The following HSD11B1 variants were observed in gnomAD, a reference collection of about 807,000 sequenced individuals.
The protein encoded by HSD11B1 is hydroxysteroid 11-beta dehydrogenase 1, also known as 11-beta-hydroxysteroid dehydrogenase 1.
In HSD11B1, 15 loss-of-function variants were observed where a neutral mutation model predicts 22.1. That is an observed-to-expected ratio of 0.68 (90% CI 0.45 to 1.04). The LOEUF is 1.04. HSD11B1 is among the 50% of genes least tolerant of loss of function. The pLI, the probability that HSD11B1 is intolerant of heterozygous loss-of-function variation, is 0.00. For missense variants in HSD11B1, 281 were observed against 357.6 expected (o/e 0.79, Z 1.73); for synonymous variants, 122 against 125.2 (o/e 0.97, Z 0.17).
At chr1:209,732,619 T>C (rs1293414052) in intron 5 of HSD11B1, 40 bp downstream of exon 5, 1 of 1,549,050 alleles carries the variant, frequency 6.5e-7, no homozygotes, top group African/African-American at 1.4e-5. Context: ...ATTATTATAC[T>C]TTAAGTTCTA....
At chr1:209,704,313 G>T (rs28365144), upstream of HSD11B1, among the ~76,000 whole-genome samples, 2,207 of 152,232 alleles carry the variant, frequency 0.014, 65 homozygotes, top group African/African-American at 0.05. Context: ...CTTTGATGTT[G>T]TAATACTTTT....
At chr1:209,702,164 T>A (rs539301475), upstream of HSD11B1, among the ~76,000 whole-genome samples, 1 of 152,246 alleles carries the variant, frequency 6.6e-6, no homozygotes, top group Non-Finnish European at 1.5e-5. Context: ...CATTTTGTCT[T>A]TATTATTTTT....
intron 4 of HSD11B1, among the ~76,000 whole-genome samples, chr1:209,713,557 T>TAC (rs1374248520): frequency 6.6e-6 from 1 of 152,200 alleles, no homozygotes. Flanking sequence ...TATAATCATA[T>TAC]ACACACACCC....
Position 209,706,590 on chromosome 1 carries a change from C to G in HSD11B1, c.220-119C>G. 2 of 777,568 alleles carry G rather than the reference C, an allele frequency of 2.6e-6. No homozygotes were observed. Among genetic ancestry groups the G allele is most frequent in the Non-Finnish European group, 4.7e-6 (2 of 424,654 alleles). 48.2% of individuals were successfully genotyped at this position (777,568 alleles called of 1,614,324 possible). A position where few individuals can be genotyped will look rare whatever the true frequency, so the allele number is the denominator to read the frequency against. The stretch of plus-strand genomic sequence containing the variant: ...GGCAACACACACACAAACATACTTA[C>G]CATTTCTTACCTAAACAGGGCTGTG... On this transcript the variant is annotated intron_variant, in intron 2 of 5. Transcript: ENST00000367027. The surrounding 1 kb of genome is among the most constrained non-coding windows in gnomAD (Gnocchi z 4.0).
At chr1:209,692,234 C>T (rs140946541) in intron 1 of HSD11B1, among the ~76,000 whole-genome samples, 3 of 152,016 alleles carry the variant, frequency 2.0e-5, no homozygotes, top group South Asian at 2.1e-4. Context: ...AAGTTCGGAC[C>T]GGTATGTCTA....
intron 4 of HSD11B1, among the ~76,000 whole-genome samples, chr1:209,731,501 CA>C (rs1349650422): frequency 6.6e-6 from 1 of 152,110 alleles, no homozygotes; most frequent in Non-Finnish European, 1.5e-5. Context: ...AATTAGCAGA[CA>C]ATGGATTTTA....
chr1:209,713,272 T>C (rs1443289132), intron 4 of HSD11B1, among the ~76,000 whole-genome samples: 4 of 152,234 alleles, frequency 2.6e-5, no homozygotes, highest in African/African-American at 7.2e-5. Flanking sequence ...GCTGTATCTA[T>C]ATCTCTGGAA....
rs1203567582 is a variant in HSD11B1, at chr1:209,706,686, C to T, written c.220-23C>T. On this transcript the variant is annotated intron_variant, in intron 2 of 5. Coordinates refer to ENST00000367027, the MANE Select transcript of HSD11B1 (RefSeq NM_005525.4). This position sits in a 1 kb window ranked among gnomAD's most constrained non-coding sequence, Gnocchi z 4.0. ...CAAAAATCTGCAGCTAAGACTGATG[C>T]CATTTCTGCTGTATCACTGCAGGTG... 5 of 1,548,644 alleles carry T rather than the reference C, an allele frequency of 3.2e-6. No individual in the cohort carries two copies. The highest frequency in any genetic ancestry group is 1.1e-5 in the South Asian group (1 of 89,708).
intron 4 of HSD11B1, among the ~76,000 whole-genome samples, chr1:209,721,914 C>T (rs1179034840): frequency 2.0e-5 from 3 of 152,156 alleles, no homozygotes; most frequent in African/African-American, 4.8e-5. Flanking sequence ...CTCCAGGGGA[C>T]ATATTAAAAG....
Position 209,707,144 on chromosome 1 carries a change from A to G in HSD11B1, c.517+16A>G, listed in dbSNP as rs374433166. 23 of 1,601,406 alleles carry G rather than the reference A, an allele frequency of 1.4e-5. No homozygotes were observed. The highest frequency in any genetic ancestry group is 1.9e-5 in the Non-Finnish European group (22 of 1,172,802). On this transcript the variant is annotated intron_variant, in intron 4 of 5. Transcript: ENST00000367027. ...TCTCTGGCTGGTAAGTGGGACAGGG[A>G]CATATGTGGAAGGTAGAAGAAAAAA...
upstream of HSD11B1, among the ~76,000 whole-genome samples, chr1:209,702,274 G>A (rs1193251628): frequency 6.6e-6 from 1 of 152,186 alleles, no homozygotes; most frequent in Non-Finnish European, 1.5e-5. Context: ...GATTAAACCA[G>A]GCTCCAGGAA....
chr1:209,706,051 C>A lies in HSD11B1; in HGVS notation c.219+110C>A. 1 of 1,350,988 alleles carries A rather than the reference C, an allele frequency of 7.4e-7. No individual in the cohort carries two copies. The highest frequency in any genetic ancestry group is 1.1e-6 in the Non-Finnish European group (1 of 949,890). 83.7% of individuals were successfully genotyped at this position (1,350,988 alleles called of 1,614,324 possible). A position where few individuals can be genotyped will look rare whatever the true frequency, so the allele number is the denominator to read the frequency against. On this transcript the variant is annotated intron_variant, in intron 2 of 5. Coordinates refer to ENST00000367027, the MANE Select transcript of HSD11B1 (RefSeq NM_005525.4). The surrounding 1 kb of genome is among the most constrained non-coding windows in gnomAD (Gnocchi z 4.0). ...CATATCGCAGATCTATATACAGAGG[C>A]ACATGCACACACACAGACACTTAAT...
Position 209,705,906 on chromosome 1 carries a change from G to A in HSD11B1, c.184G>A (p.Val62Met). The change falls in exon 2 of 6, where the codon GTG becomes ATG. Residue 62 changes from valine to methionine, a missense_variant. Coordinates refer to ENST00000367027, the MANE Select transcript of HSD11B1 (RefSeq NM_005525.4). ...TCTGGCGAAGATGGGAGCCCATGTG[G>A]TGGTGACAGCGAGGTCAAAAGAAAC... ...YHLAKMGAHV[V>M]VTARSKETLQ... The A allele has an allele frequency of 1.2e-6, 2 of 1,614,002 alleles. No individual in the cohort carries two copies. Among genetic ancestry groups the A allele is most frequent in the South Asian group, 1.1e-5 (1 of 91,088 alleles).
intron 4 of HSD11B1, among the ~76,000 whole-genome samples, chr1:209,728,494 C>A (rs1475355473): frequency 6.6e-6 from 1 of 152,176 alleles, no homozygotes; most frequent in Admixed American, 6.5e-5. Flanking sequence ...GGGATTCACA[C>A]CTGGGTCATC....
chr1:209,687,119 A>G (rs1419059479), intron 1 of HSD11B1, among the ~76,000 whole-genome samples: 2 of 152,204 alleles, frequency 1.3e-5, no homozygotes, highest in Non-Finnish European at 2.9e-5. Context: ...TGGCTTAGTG[A>G]TCCACTCACT....
chr1:209,725,792 G>T (rs2076996847), intron 4 of HSD11B1, among the ~76,000 whole-genome samples: 1 of 152,190 alleles, frequency 6.6e-6, no homozygotes, highest in Non-Finnish European at 1.5e-5. Context: ...AGAATGGGGG[G>T]CAGAGCTCAA....
At chr1:209,714,587 T>C (rs573849054) in intron 4 of HSD11B1, among the ~76,000 whole-genome samples, 1 of 152,340 alleles carries the variant, frequency 6.6e-6, no homozygotes, top group African/African-American at 2.4e-5. Context: ...ATTTCCTTTC[T>C]GTTTCTAGGC....
At chr1:209,715,003 G>A (rs1444041877) in intron 4 of HSD11B1, among the ~76,000 whole-genome samples, 2 of 152,180 alleles carry the variant, frequency 1.3e-5, no homozygotes, top group Non-Finnish European at 2.9e-5. Context: ...CTGCAAGAGG[G>A]CCTGCCATGG....
At chr1:209,734,253 ATGTAGAC>A in intron 5 of HSD11B1, 44 bp from the exon 6 acceptor site, 1 of 1,449,202 alleles carries the variant, frequency 6.9e-7, no homozygotes, top group Non-Finnish European at 9.6e-7. Context: ...GCCTTCCATC[ATGTAGAC>A]TGTCCTAGTC....
Sources: allele counts gnomAD v4.1 joint callset (sites outside exome capture counted in the v4.1 genomes callset), GRCh38; gene constraint gnomAD v4.1.1; non-coding constraint Gnocchi (gnomAD v3.1); transcripts MANE v1.5; gene names NCBI Gene and HGNC (gene_info 2026-07-23, HGNC 2026-07-21).